Variants in ANKRD13C observed in about 807,000 individuals in gnomAD.
The protein encoded by ANKRD13C is ankyrin repeat domain-containing protein 13C.
Under a neutral mutation model 65.5 loss-of-function variants are expected in ANKRD13C, and 16 were observed. The observed-to-expected ratio is 0.24, with a 90% confidence interval of 0.17 to 0.37. ANKRD13C has a LOEUF of 0.37. Among genes scored for constraint, ANKRD13C ranks in the 10% least tolerant of loss-of-function variants. The probability of loss-of-function intolerance (pLI) is 1.00; values close to 1 mark genes in which losing one functional copy is unlikely to be tolerated. For synonymous variants in ANKRD13C, 235 were observed against 238.7 expected, an observed-to-expected ratio of 0.98 and a Z score of 0.14; for missense variants, 503 against 655.9, an observed-to-expected ratio of 0.77 and a Z score of 2.55.
At chr1:70,329,106 A>T (rs1681673095) in intron 2 of ANKRD13C, among the ~76,000 whole-genome samples, 1 of 152,202 alleles carries the variant, frequency 6.6e-6, no homozygotes, top group African/African-American at 2.4e-5. Flanking sequence ...ATATGAAGGG[A>T]TATCCATGAG....
chr1:70,343,753 G>A (rs1354105707), intron 1 of ANKRD13C, among the ~76,000 whole-genome samples: 2 of 152,122 alleles, frequency 1.3e-5, no homozygotes, highest in African/African-American at 4.8e-5. Flanking sequence ...GGCCAGGCAG[G>A]TCTCAAATTC....
intron 12 of ANKRD13C, among the ~76,000 whole-genome samples, chr1:70,267,197 T>C (rs933648026): frequency 2.0e-5 from 3 of 152,192 alleles, no homozygotes; most frequent in Non-Finnish European, 1.5e-5. Flanking sequence ...TCTCTAATAA[T>C]TTTCTTTGCT....
intron 1 of ANKRD13C, among the ~76,000 whole-genome samples, chr1:70,350,859 G>A (rs1682715592): frequency 1.3e-5 from 2 of 152,172 alleles, no homozygotes; most frequent in South Asian, 2.1e-4. Context: ...TTTAAAATGA[G>A]TGTAAAACTA....
chr1:70,299,368 T>C (rs1680226755), intron 7 of ANKRD13C, among the ~76,000 whole-genome samples: 2 of 152,304 alleles, frequency 1.3e-5, no homozygotes, highest in South Asian at 2.1e-4. Flanking sequence ...CTTTAGGTAA[T>C]GGGGAACTTT....
At chr1:70,294,552 G>GAA (rs891438900) in intron 8 of ANKRD13C, among the ~76,000 whole-genome samples, 1 of 144,418 alleles carries the variant, frequency 6.9e-6, no homozygotes, top group African/African-American at 2.5e-5. Context: ...AGGTTTCCAG[G>GAA]AAAAAAAAAA....
chr1:70,260,905 T>C lies in ANKRD13C; in HGVS notation c.*1812A>G, dbSNP rs1460751634. 6.6e-6 allele frequency: 1 copy of C among 152,080 alleles called. No individual in the cohort carries two copies. Among genetic ancestry groups the C allele is most frequent in the African/African-American group, 2.4e-5 (1 of 41,436 alleles). 9.4% of individuals were successfully genotyped at this position (152,080 alleles called of 1,614,324 possible). ...AGGTGTCTGTACTTATGAAAACATA[T>C]ATAGCATATTCCTGAAAGTATACCA... On this transcript the variant is annotated 3_prime_UTR_variant, in exon 13 of 13. Coordinates refer to ENST00000370944, the MANE Select transcript of ANKRD13C (RefSeq NM_030816.5).
intron 7 of ANKRD13C, among the ~76,000 whole-genome samples, chr1:70,296,950 T>C (rs1226088499): frequency 1.3e-5 from 2 of 152,212 alleles, no homozygotes; most frequent in East Asian, 3.8e-4. Context: ...TATATAATAA[T>C]TGAGCAATAA....
intron 1 of ANKRD13C, among the ~76,000 whole-genome samples, chr1:70,352,200 C>T (rs867401164): frequency 6.6e-6 from 1 of 151,866 alleles, no homozygotes; most frequent in African/African-American, 2.4e-5. Flanking sequence ...ATTAGCCTGG[C>T]GCGGTGGTGG....
chr1:70,319,248 T>G (rs1216196374), intron 3 of ANKRD13C, among the ~76,000 whole-genome samples: 1 of 152,194 alleles, frequency 6.6e-6, no homozygotes, highest in East Asian at 1.9e-4. Context: ...GGTCCTTTTA[T>G]CATTACAACT....
In ANKRD13C at chr1:70,354,364, G is replaced by A. The variant is rs1338166821; in HGVS notation, c.45C>T (p.Pro15=). Residue 15 remains proline, a synonymous_variant, in exon 1 of 13, where the codon CCC becomes CCT. Transcript: ENST00000370944. ...CCAGCAGGTCCCCTTCTTCTTTGCT[G>A]GGCTTGTGGTCCCTCCGCAGTGAGC... ...KIRSLRRDHK[P]SKEEGDLLEP... 1 of 1,614,074 alleles carries A rather than the reference G, an allele frequency of 6.2e-7. No individual in the cohort carries two copies. Among genetic ancestry groups the A allele is most frequent in the Non-Finnish European group, 8.5e-7 (1 of 1,179,990 alleles).
chr1:70,312,658 C>T (rs532566403), intron 5 of ANKRD13C, among the ~76,000 whole-genome samples: 16 of 144,518 alleles, frequency 1.1e-4, no homozygotes, highest in African/African-American at 4.1e-4. Context: ...GTGAGTGAGA[C>T]TCTGTCTCCA....
chr1:70,311,368 G>A (rs1228101289), intron 5 of ANKRD13C, among the ~76,000 whole-genome samples: 6 of 152,094 alleles, frequency 3.9e-5, no homozygotes, highest in African/African-American at 7.2e-5. Flanking sequence ...CCAGCTACTC[G>A]GGAGGCTGAG....
chr1:70,351,862 A>G (rs1420612496), intron 1 of ANKRD13C, among the ~76,000 whole-genome samples: 1 of 152,182 alleles, frequency 6.6e-6, no homozygotes, highest in Non-Finnish European at 1.5e-5. Flanking sequence ...AAATGACTAA[A>G]TAAGAAGCAC....
At chr1:70,283,920 C>T (rs974883979) in intron 9 of ANKRD13C, among the ~76,000 whole-genome samples, 9 of 152,222 alleles carry the variant, frequency 5.9e-5, no homozygotes, top group South Asian at 2.1e-4. Context: ...AAGGTATAAA[C>T]GGAGCATTGT....
In ANKRD13C at chr1:70,322,090, A is replaced by G. The variant is rs1572133231; in HGVS notation, c.577+2763T>C. Among the ~76,000 whole-genome samples, 3 of 152,000 alleles carry G rather than the reference A, an allele frequency of 2.0e-5. No homozygotes were observed. The East Asian group carries it at 5.8e-4, about 30-fold the overall frequency. ...AGCACTTTGGGAGGCCGAGGCAAGTAGATTACCTGAGGTCAGGAATTCGAG... is the reference window on the plus strand; with the variant it reads ...AGCACTTTGGGAGGCCGAGGCAAGTGGATTACCTGAGGTCAGGAATTCGAG... On this transcript the variant is annotated intron_variant, in intron 3 of 12. Transcript: ENST00000370944.
In ANKRD13C at chr1:70,281,487, T is replaced by C. The variant is rs1572045099; in HGVS notation, c.1216-4643A>G. On this transcript the variant is annotated intron_variant, in intron 9 of 12. Coordinates refer to ENST00000370944, the MANE Select transcript of ANKRD13C (RefSeq NM_030816.5). ...ACTCAATCACACCAAACTGCAGCCA[T>C]GACCTCCTGGACTCAAGTGATCCTC... Among the ~76,000 whole-genome samples the C allele has an allele frequency of 4.1e-5, 6 of 145,662 alleles. No homozygotes were observed. The East Asian group carries it at 1.3e-3, about 32-fold the overall frequency.
intron 9 of ANKRD13C, among the ~76,000 whole-genome samples, chr1:70,291,036 A>G (rs997479378): frequency 6.8e-6 from 1 of 147,422 alleles, no homozygotes; most frequent in African/African-American, 2.5e-5. Flanking sequence ...CATCTGGGAA[A>G]TTTTTTTTTT....
chr1:70,290,245 C>T (rs1558275266), intron 9 of ANKRD13C, among the ~76,000 whole-genome samples: 1 of 152,098 alleles, frequency 6.6e-6, no homozygotes. Context: ...TACTGACAAA[C>T]ATAGTATTAC....
chr1:70,341,854 T>C (rs543042517), intron 1 of ANKRD13C, among the ~76,000 whole-genome samples: 3 of 152,198 alleles, frequency 2.0e-5, no homozygotes, highest in South Asian at 4.1e-4. Context: ...CTTGTCCTCA[T>C]ATAGAGAATG....
Sources: allele counts gnomAD v4.1 joint callset (sites outside exome capture counted in the v4.1 genomes callset), GRCh38; gene constraint gnomAD v4.1.1; transcripts MANE v1.5; gene names NCBI Gene and HGNC (gene_info 2026-07-23, HGNC 2026-07-21).